The following GLIS3 variants were observed in gnomAD, a reference collection of about 807,000 sequenced individuals.
The protein encoded by GLIS3 is GLIS family zinc finger 3, also known as zinc finger protein GLIS3.
In GLIS3, 53 loss-of-function variants were observed where a neutral mutation model predicts 78.6. The ratio of observed to expected loss-of-function variants is 0.67; its 90% confidence interval spans 0.54 to 0.85. GLIS3 has a LOEUF of 0.85. GLIS3 is among the 40% of genes least tolerant of loss of function. GLIS3 has a pLI of 0.00. For synonymous variants in GLIS3, 684 were observed against 509.9 expected (o/e 1.34, Z -4.60); for missense variants, 1,703 against 1,231.1 (o/e 1.38, Z -5.74).
At chr9:3,867,798 G>C (rs1820697723) in intron 8 of GLIS3, among the ~76,000 whole-genome samples, 3 of 151,976 alleles carry the variant, frequency 2.0e-5, no homozygotes, top group South Asian at 2.1e-4. Flanking sequence ...TGTTGGGTAA[G>C]GAGTGGATTT....
At chr9:3,948,509 C>T (rs568441269) in intron 4 of GLIS3, among the ~76,000 whole-genome samples, 21 of 152,236 alleles carry the variant, frequency 1.4e-4, no homozygotes, top group African/African-American at 5.1e-4. Context: ...ATGAAAAATA[C>T]CTTGGCTCAG....
chr9:3,855,849 G>C (rs1819747582), intron 9 of GLIS3, 160 bp downstream of exon 9: 1 of 772,500 alleles, frequency 1.3e-6, no homozygotes, highest in Non-Finnish European at 2.2e-6. Flanking sequence ...AATACCATAG[G>C]ATTTCATGCC....
At position 4,182,232 on chromosome 9, in the gene GLIS3, A is replaced by G. The variant is rs10974375; in HGVS notation, c.389-56291T>C. The stretch of plus-strand genomic sequence containing the variant: ...CTGAGTTCTGTAGACAAATAGTTTA[A>G]CTGAGCAGTAGTGTGTAAAAAATTT... On this transcript the variant is annotated intron_variant, in intron 2 of 10. Transcript: ENST00000381971. Among the ~76,000 whole-genome samples the G allele has an allele frequency of 4.6e-3, 699 of 152,296 alleles. 13 individuals carry two copies. Among genetic ancestry groups the G allele is most frequent in the Admixed American group, 0.042 (639 of 15,288 alleles).
intron 4 of GLIS3, among the ~76,000 whole-genome samples, chr9:3,972,026 G>T (rs1818416462): frequency 6.6e-6 from 1 of 152,016 alleles, no homozygotes; most frequent in South Asian, 2.1e-4. Context: ...AGGTGTTTTG[G>T]GACACTTACT....
upstream of GLIS3, among the ~76,000 whole-genome samples, chr9:4,303,879 CAGTT>C (rs1416009202): frequency 8.5e-5 from 13 of 152,208 alleles, no homozygotes; most frequent in Admixed American, 7.9e-4. Flanking sequence ...CGCAGGCAGC[CAGTT>C]ATTCTTTCAC....
the GLIS3 span, among the ~76,000 whole-genome samples, chr9:4,433,967 A>C: frequency 6.6e-6 from 1 of 152,090 alleles, no homozygotes; most frequent in African/African-American, 2.4e-5. Context: ...GTGGTGGCAC[A>C]AGCCTGTAAT....
At chr9:3,938,013 A>C (rs1825990632) in intron 4 of GLIS3, among the ~76,000 whole-genome samples, 1 of 152,216 alleles carries the variant, frequency 6.6e-6, no homozygotes, top group Non-Finnish European at 1.5e-5. Context: ...ATGTCTTCTG[A>C]GGGCAAAATA....
intron 4 of GLIS3, among the ~76,000 whole-genome samples, chr9:3,953,779 C>T (rs1563886433): frequency 6.7e-4 from 26 of 38,852 alleles, no homozygotes; most frequent in African/African-American, 2.6e-3. Flanking sequence ...CTCTCTCTCT[C>T]TCTCTCTCTC....
intron 1 of GLIS3, among the ~76,000 whole-genome samples, chr9:4,296,259 G>A (rs567425761): frequency 7.4e-5 from 11 of 148,448 alleles, no homozygotes; most frequent in African/African-American, 2.5e-4. Flanking sequence ...ATGTCCTCAG[G>A]CTTAATTTAC....
chr9:3,889,376 T>G (rs1047745915), intron 7 of GLIS3, among the ~76,000 whole-genome samples: 4 of 152,204 alleles, frequency 2.6e-5, no homozygotes, highest in African/African-American at 7.2e-5. Context: ...TATTGGATAG[T>G]ACATGAGTTC....
chr9:3,938,947 G>C (rs1006963961), intron 4 of GLIS3, among the ~76,000 whole-genome samples: 3 of 152,172 alleles, frequency 2.0e-5, no homozygotes, highest in African/African-American at 7.2e-5. Context: ...TCTGTTTTTA[G>C]GGTTCTCTTT....
At chr9:4,065,358 A>G (rs996118301) in intron 4 of GLIS3, among the ~76,000 whole-genome samples, 1 of 152,190 alleles carries the variant, frequency 6.6e-6, no homozygotes, top group Non-Finnish European at 1.5e-5. Flanking sequence ...TAAGTACTAT[A>G]ATATTTGTTT....
At chr9:4,335,916 C>A (rs1469165204) in intron 2 of GLIS3, among the ~76,000 whole-genome samples, 2 of 152,144 alleles carry the variant, frequency 1.3e-5, no homozygotes, top group Admixed American at 6.5e-5. Flanking sequence ...AGAGCTATGA[C>A]AACCTAAGGT....
intron 4 of GLIS3, among the ~76,000 whole-genome samples, chr9:4,032,979 G>A (rs558957509): frequency 4.7e-4 from 72 of 152,020 alleles, no homozygotes; most frequent in African/African-American, 1.7e-3. Context: ...TCAGCCTCCC[G>A]AGTAGCTGGG....
At chr9:4,224,380 C>A (rs1288777388) in intron 2 of GLIS3, among the ~76,000 whole-genome samples, 2 of 152,182 alleles carry the variant, frequency 1.3e-5, no homozygotes, top group East Asian at 3.8e-4. Context: ...GTGACAGCTT[C>A]CAAAGGTGTA....
chr9:3,853,274 T>A (rs1473708096), intron 9 of GLIS3, among the ~76,000 whole-genome samples: 1 of 152,162 alleles, frequency 6.6e-6, no homozygotes, highest in Non-Finnish European at 1.5e-5. Flanking sequence ...AATACATTCA[T>A]TATTTAACTA....
chr9:4,040,749 T>G (rs549707831), intron 4 of GLIS3, among the ~76,000 whole-genome samples: 1 of 152,112 alleles, frequency 6.6e-6, no homozygotes, highest in South Asian at 2.1e-4. Flanking sequence ...AAAGAGGTGA[T>G]GGAATGAGGT....
At chr9:4,210,654 T>A (rs995870568) in intron 2 of GLIS3, among the ~76,000 whole-genome samples, 2 of 152,250 alleles carry the variant, frequency 1.3e-5, no homozygotes, top group Non-Finnish European at 2.9e-5. Flanking sequence ...CAAGGCTTTC[T>A]GGGAAATGAC....
intron 2 of GLIS3, among the ~76,000 whole-genome samples, chr9:4,165,360 G>C (rs1049631210): frequency 6.6e-6 from 1 of 152,162 alleles, no homozygotes; most frequent in Non-Finnish European, 1.5e-5. Flanking sequence ...AGAACCGCTT[G>C]AGCCCAGGAG....
Sources: gnomAD v4.1 joint callset for allele counts (sites outside exome capture counted in the v4.1 genomes callset) on GRCh38, gnomAD v4.1.1 for gene constraint, MANE v1.5 for transcripts, NCBI Gene and HGNC (gene_info 2026-07-23, HGNC 2026-07-21) for gene names.